Variants in TPRG1 observed in about 807,000 individuals in gnomAD.
TPRG1 encodes tumor protein p63-regulated gene 1 protein.
In TPRG1, 29 loss-of-function variants were observed where a neutral mutation model predicts 29.3. The ratio of observed to expected loss-of-function variants is 0.99; its 90% CI spans 0.74 to 1.35. The LOEUF is 1.35. Among genes scored for constraint, TPRG1 ranks in the 40% most tolerant of loss-of-function variants. The pLI is 0.00. For synonymous variants in TPRG1, 130 were observed against 116.8 expected (o/e 1.11, Z -0.73); for missense variants, 327 against 335.0 (o/e 0.98, Z 0.19).
intron 2 of TPRG1, among the ~76,000 whole-genome samples, chr3:189,209,284 A>G (rs192463384): frequency 9.7e-4 from 148 of 152,308 alleles, no homozygotes; most frequent in African/African-American, 3.4e-3. Flanking sequence ...GTCACAGTGC[A>G]TGGTGACCTG....
intron 3 of TPRG1, among the ~76,000 whole-genome samples, chr3:189,234,650 G>T (rs146418891): frequency 6.6e-6 from 1 of 152,352 alleles, no homozygotes; most frequent in East Asian, 1.9e-4. Context: ...GTTGTGCAGT[G>T]CCAGGATAGC....
At chr3:189,170,101 CCTT>C (rs1165688129), upstream of TPRG1, among the ~76,000 whole-genome samples, 1 of 152,186 alleles carries the variant, frequency 6.6e-6, no homozygotes, top group East Asian at 1.9e-4. Flanking sequence ...ATTGCTTAGT[CCTT>C]CTCTTAAGAG....
chr3:189,168,473 TC>T (rs1728416261), upstream of TPRG1, among the ~76,000 whole-genome samples: 1 of 152,114 alleles, frequency 6.6e-6, no homozygotes. Flanking sequence ...CATCCACCCA[TC>T]CGTCAAAGTA....
intron 3 of TPRG1, among the ~76,000 whole-genome samples, chr3:189,238,205 G>A (rs897205944): frequency 6.6e-6 from 1 of 152,200 alleles, no homozygotes. Context: ...GGTAGGATGA[G>A]CTGCAAATAG....
In TPRG1 at chr3:189,322,086, G is replaced by A. The variant is rs1001220343; in HGVS notation, c.*1266G>A. ...AGAGTCTTATTTTATCTAAATTTAT[G>A]TAGAAAAAAAAGCTTTGAATGTTGA... is the stretch of plus-strand genomic sequence containing the variant. On this transcript the variant is annotated 3_prime_UTR_variant, in exon 6 of 6. Transcript: ENST00000345063. 1 of 151,490 alleles carries A rather than the reference G, an allele frequency of 6.6e-6. No homozygotes were observed. Among genetic ancestry groups the A allele is most frequent in the Non-Finnish European group, 1.5e-5 (1 of 67,864 alleles). 9.4% of individuals were successfully genotyped at this position (151,490 alleles called of 1,614,324 possible). A position where few individuals can be genotyped will look rare whatever the true frequency, so the allele number is the denominator to read the frequency against.
chr3:189,313,579 T>C (rs1167421977), intron 5 of TPRG1, among the ~76,000 whole-genome samples: 1 of 152,226 alleles, frequency 6.6e-6, no homozygotes, highest in Non-Finnish European at 1.5e-5. Flanking sequence ...TACAATCTAA[T>C]GGAACAAATT....
At chr3:189,277,962 T>C (rs944596314) in intron 4 of TPRG1, among the ~76,000 whole-genome samples, 1 of 152,236 alleles carries the variant, frequency 6.6e-6, no homozygotes. Flanking sequence ...CTTTTGCCTC[T>C]GAAGCCACGT....
chr3:189,240,872 G>C (rs1165163742), intron 4 of TPRG1, among the ~76,000 whole-genome samples: 1 of 152,120 alleles, frequency 6.6e-6, no homozygotes, highest in Non-Finnish European at 1.5e-5. Flanking sequence ...GTCATAAACT[G>C]TCCTGCCTCA....
intron 1 of TPRG1, among the ~76,000 whole-genome samples, chr3:189,102,003 C>A (rs998158516): frequency 7.9e-5 from 12 of 152,040 alleles, no homozygotes; most frequent in Non-Finnish European, 1.3e-4. Context: ...GATTTGAGCT[C>A]AAATATTCTG....
At chr3:189,022,796 C>T (rs551666603) in intron 3 of TPRG1, among the ~76,000 whole-genome samples, 1 of 152,180 alleles carries the variant, frequency 6.6e-6, no homozygotes. Context: ...CCTAATCAAG[C>T]CGGGGCAATG....
At chr3:189,228,697 C>T (rs1289010873) in intron 3 of TPRG1, among the ~76,000 whole-genome samples, 1 of 152,028 alleles carries the variant, frequency 6.6e-6, no homozygotes, top group Non-Finnish European at 1.5e-5. Context: ...AGATTTGGAA[C>T]AAGGAAAGCG....
Position 189,067,449 on chromosome 3 carries a change from A to G in TPRG1, c.-463+43503A>G, listed in dbSNP as rs1716525658. 3.9e-5 allele frequency among the ~76,000 whole-genome samples: 6 copies of G among 152,350 alleles called. No homozygotes were observed. In the South Asian group the frequency reaches 8.3e-4, roughly 21 times the overall value. On this transcript the variant is annotated intron_variant, in intron 4 of 10. Coordinates refer to the TPRG1 transcript ENST00000433971. ...ACAGAGCTATAGTAACCAAAACAGC[A>G]TGGTACTGGCATAAAAATAGAAACA... is the stretch of plus-strand genomic sequence containing the variant.
chr3:189,290,193 C>G (rs1718763991), intron 4 of TPRG1, among the ~76,000 whole-genome samples: 1 of 152,200 alleles, frequency 6.6e-6, no homozygotes, highest in African/African-American at 2.4e-5. Flanking sequence ...ATCTACTTTT[C>G]TATTCTATCT....
intron 3 of TPRG1, among the ~76,000 whole-genome samples, chr3:189,022,628 T>C (rs1475258127): frequency 1.3e-5 from 2 of 152,142 alleles, no homozygotes; most frequent in Admixed American, 6.5e-5. Flanking sequence ...ACTACTGCTC[T>C]CTTCAAAGCT....
intron 3 of TPRG1, among the ~76,000 whole-genome samples, chr3:189,135,545 C>T (rs1009143845): frequency 6.6e-6 from 1 of 152,184 alleles, no homozygotes; most frequent in Non-Finnish European, 1.5e-5. Flanking sequence ...CTACATCTAT[C>T]CTCTATTGTA....
At chr3:189,085,199 G>C (rs550133345) in intron 4 of TPRG1, among the ~76,000 whole-genome samples, 1 of 152,254 alleles carries the variant, frequency 6.6e-6, no homozygotes, top group African/African-American at 2.4e-5. Flanking sequence ...GTGGGGCATA[G>C]GTACATTACG....
intron 5 of TPRG1, among the ~76,000 whole-genome samples, chr3:189,154,634 G>C (rs938400457): frequency 1.3e-5 from 2 of 151,946 alleles, no homozygotes; most frequent in Admixed American, 1.3e-4. Flanking sequence ...GTAGAGATGG[G>C]GTTTCACTAT....
At chr3:189,141,390 T>C (rs1285384759) in intron 3 of TPRG1, among the ~76,000 whole-genome samples, 1 of 141,084 alleles carries the variant, frequency 7.1e-6, no homozygotes. Context: ...TTCATTCATT[T>C]GTTTAAAACC....
intron 4 of TPRG1, among the ~76,000 whole-genome samples, chr3:189,058,826 C>G (rs777703116): frequency 3.3e-5 from 5 of 152,126 alleles, no homozygotes; most frequent in Non-Finnish European, 7.3e-5. Context: ...TTTTGCTGCT[C>G]AGGCTGAATT....
Sources: allele counts gnomAD v4.1 joint callset (sites outside exome capture counted in the v4.1 genomes callset), GRCh38; gene constraint gnomAD v4.1.1; transcripts MANE v1.5; gene names NCBI Gene and HGNC (gene_info 2026-07-23, HGNC 2026-07-21).